PLXNA4: variants seen among roughly 807,000 people sequenced by gnomAD.
PLXNA4 encodes plexin-A4.
PLXNA4 carries 44 observed loss-of-function variants against 191.8 expected under a neutral mutation model. The ratio of observed to expected loss-of-function variants is 0.23; its 90% CI spans 0.18 to 0.29. The LOEUF (loss-of-function observed/expected upper bound fraction) is 0.29. PLXNA4 is among the 10% of genes least tolerant of loss of function. The pLI is 1.00. For missense variants in PLXNA4, 1,800 were observed against 2,488.8 expected, an observed-to-expected ratio of 0.72 and a Z score of 5.89; for synonymous variants, 1,082 against 1,009.5, an observed-to-expected ratio of 1.07 and a Z score of -1.36.
intron 3 of PLXNA4, among the ~76,000 whole-genome samples, chr7:132,434,164 C>T (rs1795382163): frequency 6.6e-6 from 1 of 152,226 alleles, no homozygotes; most frequent in Admixed American, 6.5e-5. Context: ...TGACACTTTG[C>T]TTTTGTCTCT....
chr7:132,547,429 G>A (rs1051227332), intron 1 of PLXNA4, among the ~76,000 whole-genome samples: 4 of 152,084 alleles, frequency 2.6e-5, no homozygotes, highest in African/African-American at 9.7e-5. Context: ...CAGTTTCTAG[G>A]TCTTTGTATG....
At chr7:132,446,353 T>C (rs1254158622) in intron 3 of PLXNA4, among the ~76,000 whole-genome samples, 2 of 152,194 alleles carry the variant, frequency 1.3e-5, no homozygotes, top group Non-Finnish European at 2.9e-5. Flanking sequence ...CATCCCATTA[T>C]GCAAGAGGAA....
chr7:132,151,298 A>AAGGAGGAGGAGGAAGAAGGAGGAGG (rs1491294408), intron 25 of PLXNA4, among the ~76,000 whole-genome samples: 1 of 31,638 alleles, frequency 3.2e-5, no homozygotes, highest in African/African-American at 8.3e-5. Flanking sequence ...GAGGAAGAAG[A>AAGGAGGAGGAGGAAGAAGGAGGAGG]AGGAGGAGGA....
intron 3 of PLXNA4, among the ~76,000 whole-genome samples, chr7:132,322,452 G>A (rs1802209735): frequency 6.6e-6 from 1 of 152,114 alleles, no homozygotes; most frequent in Non-Finnish European, 1.5e-5. Flanking sequence ...CAAAGTGCTG[G>A]GATTACAGGC....
At chr7:132,499,674 T>A (rs138220971) in intron 2 of PLXNA4, among the ~76,000 whole-genome samples, 281 of 152,216 alleles carry the variant, frequency 1.8e-3, no homozygotes, top group Non-Finnish European at 3.3e-3. Context: ...GTGGCCCTGC[T>A]CCCCAGGCTG....
At chr7:132,226,628 C>T (rs146706072) in intron 7 of PLXNA4, among the ~76,000 whole-genome samples, 24 of 152,314 alleles carry the variant, frequency 1.6e-4, no homozygotes, top group African/African-American at 4.3e-4. Flanking sequence ...CCACAAACTG[C>T]GCAAGAAGTT....
At chr7:132,351,788 G>A (rs1803498035) in intron 3 of PLXNA4, among the ~76,000 whole-genome samples, 1 of 152,248 alleles carries the variant, frequency 6.6e-6, no homozygotes, top group East Asian at 1.9e-4. Context: ...AGCAATGTGG[G>A]GGAAGATGCG....
intron 3 of PLXNA4, among the ~76,000 whole-genome samples, chr7:132,359,409 G>A (rs1404521696): frequency 2.6e-5 from 4 of 151,840 alleles, no homozygotes; most frequent in African/African-American, 9.7e-5. Context: ...TAGAGACGGA[G>A]TTTCACCATG....
intron 2 of PLXNA4, among the ~76,000 whole-genome samples, chr7:132,635,974 G>A (rs1432419565): frequency 6.6e-6 from 1 of 152,184 alleles, no homozygotes; most frequent in Non-Finnish European, 1.5e-5. Context: ...GATGGAGGAG[G>A]CGGTTCCAGG....
At chr7:132,257,170 C>T (rs1395058306) in intron 4 of PLXNA4, among the ~76,000 whole-genome samples, 3 of 152,242 alleles carry the variant, frequency 2.0e-5, no homozygotes, top group Non-Finnish European at 2.9e-5. Context: ...CTCCAGTCCC[C>T]TCTCTTGCAG....
chr7:132,619,088 G>T (rs1803211060), intron 2 of PLXNA4, among the ~76,000 whole-genome samples: 1 of 152,120 alleles, frequency 6.6e-6, no homozygotes. Flanking sequence ...CAGAACAGTG[G>T]GAAAATGTCA....
intron 10 of PLXNA4, among the ~76,000 whole-genome samples, chr7:132,209,050 G>A (rs949008097): frequency 6.6e-6 from 1 of 152,276 alleles, no homozygotes; most frequent in African/African-American, 2.4e-5. Context: ...GAGGGTCCCA[G>A]CGAGCTTCTT....
chr7:132,171,457 G>A (rs527441121), intron 21 of PLXNA4, among the ~76,000 whole-genome samples: 44 of 152,290 alleles, frequency 2.9e-4, no homozygotes, highest in Non-Finnish European at 5.7e-4. Flanking sequence ...AAGCCAACTC[G>A]GATGTCTCTC....
chr7:132,596,049 A>T (rs764070580), intron 2 of PLXNA4, among the ~76,000 whole-genome samples: 2 of 152,212 alleles, frequency 1.3e-5, no homozygotes, highest in African/African-American at 4.8e-5. Flanking sequence ...AATTACCAAG[A>T]TCCAATCAAA....
chr7:132,539,048 T>G (rs1799962523), intron 1 of PLXNA4, among the ~76,000 whole-genome samples: 1 of 152,200 alleles, frequency 6.6e-6, no homozygotes, highest in African/African-American at 2.4e-5. Flanking sequence ...TGTTTCCCTG[T>G]GACTGCTGCC....
chr7:132,352,652 T>G (rs775191059), intron 3 of PLXNA4, among the ~76,000 whole-genome samples: 4 of 152,160 alleles, frequency 2.6e-5, no homozygotes, highest in Non-Finnish European at 5.9e-5. Flanking sequence ...GCGAACACTC[T>G]CCGGGCTGGT....
At chr7:132,378,450 T>C (rs576445196) in intron 3 of PLXNA4, among the ~76,000 whole-genome samples, 3 of 152,252 alleles carry the variant, frequency 2.0e-5, no homozygotes, top group Admixed American at 2.0e-4. Context: ...CCCTAGAGAT[T>C]AGAAAGGCCT....
At chr7:132,198,352 TA>T in intron 13 of PLXNA4, 132 bp downstream of exon 13, 1 of 1,320,494 alleles carries the variant, frequency 7.6e-7, no homozygotes, top group Non-Finnish European at 1.0e-6. Flanking sequence ...CCTCCAACTC[TA>T]AAATATTGGG....
intron 1 of PLXNA4, among the ~76,000 whole-genome samples, chr7:132,562,012 ACTCCTC>A (rs1206882910): frequency 1.2e-4 from 4 of 32,222 alleles, no homozygotes; most frequent in Admixed American, 3.2e-4. Flanking sequence ...TCCTCCTCCT[ACTCCTC>A]CTCCTCCTCC....
Sources: allele counts gnomAD v4.1 joint callset (sites outside exome capture counted in the v4.1 genomes callset), GRCh38; gene constraint gnomAD v4.1.1; transcripts MANE v1.5; gene names NCBI Gene and HGNC (gene_info 2026-07-23, HGNC 2026-07-21).